RAD17: variants seen among roughly 807,000 people sequenced by gnomAD.
The protein encoded by RAD17 is cell cycle checkpoint protein RAD17.
A neutral mutation model predicts 81.5 loss-of-function variants in RAD17; 31 were observed. That is an observed-to-expected ratio of 0.38 (90% CI 0.29 to 0.51). The LOEUF is 0.51. Ranked by LOEUF, RAD17 falls within the 20% of genes least tolerant of loss-of-function variation. The pLI, the probability that RAD17 is intolerant of heterozygous loss-of-function variation, is 0.88. For synonymous variants in RAD17, 261 were observed against 266.2 expected, an observed-to-expected ratio of 0.98 and a Z score of 0.19; for missense variants, 681 against 781.2, an observed-to-expected ratio of 0.87 and a Z score of 1.53.
chr5:69,374,495 G>T, intron 5 of RAD17, 133 bp from the exon 6 acceptor site: 1 of 559,488 alleles, frequency 1.8e-6, no homozygotes, highest in Non-Finnish European at 3.1e-6. Context: ...TAATCAAAAG[G>T]ATCATTTTAT....
chr5:69,408,650 A>G (rs1482659807), intron 17 of RAD17, among the ~76,000 whole-genome samples: 2 of 151,402 alleles, frequency 1.3e-5, no homozygotes, highest in Admixed American at 1.3e-4. Flanking sequence ...AGCTGGGACT[A>G]CAGGCATGTG....
chr5:69,384,258 AG>A (rs1212799807), intron 7 of RAD17: 2 of 152,370 alleles, frequency 1.3e-5, no homozygotes, highest in African/African-American at 4.8e-5. Context: ...CCACAGTCAT[AG>A]ATATTTTTAC....
At chr5:69,397,258 C>T (rs1764951704) in intron 16 of RAD17, among the ~76,000 whole-genome samples, 1 of 152,204 alleles carries the variant, frequency 6.6e-6, no homozygotes, top group African/African-American at 2.4e-5. Context: ...TCTCCCACCT[C>T]AGCCTCCTGA....
intron 7 of RAD17, among the ~76,000 whole-genome samples, chr5:69,382,863 A>G (rs570957618): frequency 2.6e-5 from 4 of 152,270 alleles, no homozygotes; most frequent in African/African-American, 9.6e-5. Flanking sequence ...GCTGGAGTAC[A>G]ACCTCTGCCT....
chr5:69,385,557 C>T (rs1217350492), intron 8 of RAD17, among the ~76,000 whole-genome samples: 2 of 152,122 alleles, frequency 1.3e-5, no homozygotes, highest in South Asian at 2.1e-4. Context: ...ACATGTGAGC[C>T]ACCACACCCA....
At chr5:69,385,717 A>G (rs1279278212) in intron 8 of RAD17, among the ~76,000 whole-genome samples, 1 of 152,224 alleles carries the variant, frequency 6.6e-6, no homozygotes, top group African/African-American at 2.4e-5. Context: ...CTCTTCTAGT[A>G]AACTTGAATG....
chr5:69,406,550 G>A (rs1765614559), intron 17 of RAD17, among the ~76,000 whole-genome samples: 1 of 152,074 alleles, frequency 6.6e-6, no homozygotes, highest in South Asian at 2.1e-4. Context: ...CACCCAAGCT[G>A]GATTGTGGTG....
At chr5:69,406,573 C>G (rs185336332) in intron 17 of RAD17, among the ~76,000 whole-genome samples, 95 of 152,240 alleles carry the variant, frequency 6.2e-4, no homozygotes, top group Non-Finnish European at 9.1e-4. Context: ...ATGATCACGG[C>G]TCACTGCAGC....
chr5:69,372,885 T>C (rs1300441315), intron 4 of RAD17, among the ~76,000 whole-genome samples: 3 of 152,192 alleles, frequency 2.0e-5, no homozygotes, highest in South Asian at 2.1e-4. Flanking sequence ...GCTGGAATTA[T>C]AGGTGTGAGC....
At chr5:69,379,668 C>CT (rs1763725181) in intron 6 of RAD17, among the ~76,000 whole-genome samples, 1 of 151,848 alleles carries the variant, frequency 6.6e-6, no homozygotes, top group Non-Finnish European at 1.5e-5. Context: ...TTTTAAGCTT[C>CT]TTTTAAAATT....
At chr5:69,379,173 T>G (rs1201108019) in intron 6 of RAD17, among the ~76,000 whole-genome samples, 1 of 152,148 alleles carries the variant, frequency 6.6e-6, no homozygotes, top group African/African-American at 2.4e-5. Context: ...GTGGCGGAAG[T>G]TGCAGTGAGC....
chr5:69,413,957 T>TC lies in RAD17; in HGVS notation c.1752-73dup. On this transcript the variant is annotated intron_variant, in intron 18 of 18. Coordinates refer to ENST00000354868, the MANE Select transcript of RAD17 (RefSeq NM_133338.3). ...AGGTAAATGAAAGATGGCTTCATAA[T>TC]CATCACACTCATGGTGTAATTTAAA... is the stretch of plus-strand genomic sequence containing the variant. 1.2e-5 allele frequency: 18 copies of TC among 1,522,820 alleles called. No individual in the cohort carries two copies. In the Middle Eastern group the frequency reaches 1.8e-3, roughly 155 times the overall value. The allele number at this position is 1,522,820 out of a possible 1,614,324, so 94.3% of individuals were successfully genotyped here.
At chr5:69,396,753 G>C (rs543106913) in intron 16 of RAD17, among the ~76,000 whole-genome samples, 2 of 152,148 alleles carry the variant, frequency 1.3e-5, no homozygotes, top group Non-Finnish European at 2.9e-5. Context: ...AATTTTTTAA[G>C]GGAAAAAAGA....
At chr5:69,390,694 C>G (rs916026423) in intron 12 of RAD17, among the ~76,000 whole-genome samples, 1 of 151,908 alleles carries the variant, frequency 6.6e-6, no homozygotes, top group South Asian at 2.1e-4. Context: ...GTGGCTCTCG[C>G]CTGTTATCCC....
chr5:69,411,595 G>A (rs1766004682), intron 18 of RAD17, among the ~76,000 whole-genome samples: 1 of 152,022 alleles, frequency 6.6e-6, no homozygotes. Flanking sequence ...TAGTGTTAAT[G>A]TTTTTTTCTG....
At chr5:69,407,641 A>G (rs1298758606) in intron 17 of RAD17, among the ~76,000 whole-genome samples, 2 of 124,958 alleles carry the variant, frequency 1.6e-5, no homozygotes, top group Non-Finnish European at 3.1e-5. Context: ...CGGTAGCACC[A>G]TCTCAGCTCA....
At chr5:69,375,569 TTAAAG>T (rs2150772425) in intron 6 of RAD17, among the ~76,000 whole-genome samples, 1 of 152,262 alleles carries the variant, frequency 6.6e-6, no homozygotes. Context: ...CTTAAGTATT[TTAAAG>T]TAAATTATAA....
chr5:69,410,965 C>CTATATATATATATATA lies in RAD17; in HGVS notation c.1751+432_1751+447dup, dbSNP rs1554044686. Among the ~76,000 whole-genome samples the CTATATATATATATATA allele has an allele frequency of 3.0e-3, 269 of 90,178 alleles. 12 individuals carry two copies. Among genetic ancestry groups the CTATATATATATATATA allele is most frequent in the African/African-American group, 7.3e-3 (147 of 20,212 alleles). The allele number at this position is 90,178 out of a possible 152,430, so 59.2% of individuals were successfully genotyped here. ...AAACAAGCAAAAAATAGATGTCTGT[C>CTATATATATATATATA]TATATATATATATATATATATATAT... On this transcript the variant is annotated intron_variant, in intron 18 of 18. Coordinates refer to ENST00000354868, the MANE Select transcript of RAD17 (RefSeq NM_133338.3).
At chr5:69,374,993 C>G (rs187570937) in intron 6 of RAD17, among the ~76,000 whole-genome samples, 2 of 152,166 alleles carry the variant, frequency 1.3e-5, no homozygotes, top group East Asian at 3.9e-4. Context: ...GTGCATGCCT[C>G]TGGTCTCAGC....
Sources: allele counts gnomAD v4.1 joint callset (sites outside exome capture counted in the v4.1 genomes callset), GRCh38; gene constraint gnomAD v4.1.1; transcripts MANE v1.5; gene names NCBI Gene and HGNC (gene_info 2026-07-23, HGNC 2026-07-21).